Variants in CACNA1A observed in about 807,000 individuals in gnomAD.
CACNA1A encodes the protein calcium voltage-gated channel subunit alpha1 A, also known as voltage-dependent P/Q-type calcium channel subunit alpha-1A.
Under a neutral mutation model 262.4 loss-of-function variants are expected in CACNA1A, and 57 were observed. The observed-to-expected ratio is 0.22, with a 90% confidence interval of 0.18 to 0.27. The LOEUF (loss-of-function observed/expected upper bound fraction) is 0.27. Among genes scored for constraint, CACNA1A ranks in the 10% least tolerant of loss-of-function variants. The pLI is 1.00. For missense variants in CACNA1A, 2,526 were observed against 3,562.8 expected (o/e 0.71, Z 7.41); for synonymous variants, 1,431 against 1,419.3 (o/e 1.01, Z -0.18).
intron 22 of CACNA1A, 116 bp downstream of exon 22, chr19:13,283,151 C>CTA (rs1360236380): frequency 6.4e-5 from 80 of 1,257,268 alleles, no homozygotes; most frequent in Non-Finnish European, 8.5e-5. Flanking sequence ...GCCATAAGGG[C>CTA]TATGCCTAGG....
At chr19:13,371,193 T>C (rs1208731596) in intron 4 of CACNA1A, 2 of 152,752 alleles carry the variant, frequency 1.3e-5, no homozygotes, top group Non-Finnish European at 2.9e-5. Context: ...AGGTAATTCA[T>C]GTAAAGTCCT....
chr19:13,422,367 G>T (rs2144788674), intron 3 of CACNA1A, among the ~76,000 whole-genome samples: 1 of 152,226 alleles, frequency 6.6e-6, no homozygotes, highest in African/African-American at 2.4e-5. Flanking sequence ...TAACACAGGT[G>T]ATATGGGTCA....
At chr19:13,465,372 C>G (rs1191366201) in intron 1 of CACNA1A, among the ~76,000 whole-genome samples, 1 of 152,144 alleles carries the variant, frequency 6.6e-6, no homozygotes, top group Non-Finnish European at 1.5e-5. Context: ...ATATTATACT[C>G]AAAATAAATG....
intron 3 of CACNA1A, among the ~76,000 whole-genome samples, chr19:13,419,852 G>A (rs1171512065): frequency 2.6e-5 from 4 of 152,026 alleles, no homozygotes; most frequent in Admixed American, 1.3e-4. Context: ...TTGGGAGGCC[G>A]AGGTGGGTGG....
At chr19:13,435,447 T>C (rs2060593188) in intron 3 of CACNA1A, among the ~76,000 whole-genome samples, 1 of 151,932 alleles carries the variant, frequency 6.6e-6, no homozygotes, top group South Asian at 2.1e-4. Flanking sequence ...AACGGGCTAA[T>C]ACAGGCCCCA....
At chr19:13,477,480 T>G (rs1251216988) in intron 1 of CACNA1A, among the ~76,000 whole-genome samples, 1 of 152,228 alleles carries the variant, frequency 6.6e-6, no homozygotes, top group African/African-American at 2.4e-5. Flanking sequence ...CACAGCCCCA[T>G]GAGGCAAGGA....
rs1277751763 is a variant in CACNA1A at position 13,259,663 on chromosome 19, G to A, written c.4289C>T (p.Ala1430Val). 2.5e-6 allele frequency: 4 copies of A among 1,610,812 alleles called. No homozygotes were observed. Among genetic ancestry groups the A allele is most frequent in the East Asian group, 4.5e-5 (2 of 44,866 alleles). The change falls in exon 27 of 47, where the codon GCG becomes GTG. Residue 1430 changes from alanine (A) to valine (V), a missense_variant. Physicochemically the swap from Ala to Val is moderately conservative, Grantham distance 64. This residue lies in a region of CACNA1A where 137 missense variants were observed against 377.7 expected (regional missense o/e 0.36). Coordinates refer to ENST00000360228, the MANE Select transcript of CACNA1A (RefSeq NM_001127222.2). ...YLLYEKNEVK[A>V]RDREWKKYEF... ...ATACTTCTTCCACTCCCGGTCTCGC[G>A]CCTTCACCTCATTCTTCTCGTAGAG...
At chr19:13,397,381 G>A (rs1246904157) in intron 3 of CACNA1A, among the ~76,000 whole-genome samples, 1 of 152,200 alleles carries the variant, frequency 6.6e-6, no homozygotes, top group Non-Finnish European at 1.5e-5. Context: ...CAGAGGAGGT[G>A]GGTGGAAGAA....
intron 4 of CACNA1A, chr19:13,371,420 T>C: frequency 2.3e-6 from 1 of 426,760 alleles, no homozygotes. Flanking sequence ...CTGTGAGTAC[T>C]GAATGAGATC....
At chr19:13,379,722 G>A (rs948693383) in intron 3 of CACNA1A, among the ~76,000 whole-genome samples, 14 of 150,996 alleles carry the variant, frequency 9.3e-5, no homozygotes, top group African/African-American at 2.9e-4. Context: ...TCAGGAGTTC[G>A]AGACCAGCCT....
intron 22 of CACNA1A, chr19:13,278,073 GAC>G (rs898062853): frequency 1.4e-5 from 2 of 139,628 alleles, no homozygotes; most frequent in African/African-American, 5.5e-5. Flanking sequence ...GGGAGACAGA[GAC>G]TGTCTAAAAA....
At position 13,212,716 on chromosome 19, in the gene CACNA1A, G is replaced by A. The variant is rs903596182; in HGVS notation, c.5965C>T (p.Arg1989Cys). 2 of 1,506,822 alleles carry A rather than the reference G, an allele frequency of 1.3e-6. No individual in the cohort carries two copies. The highest frequency in any genetic ancestry group is 8.9e-7 in the Non-Finnish European group (1 of 1,128,580). The allele number at this position is 1,506,822 out of a possible 1,614,324, so 93.3% of individuals were successfully genotyped here. A position where few individuals can be genotyped will look rare whatever the true frequency, so the allele number is the denominator to read the frequency against. ...TGCGTTGGGGACGGGGGCTCCATGCGCTGGAACATGAGGGGTGTCCGGTCC... is the reference window on the plus strand; with the variant it reads ...TGCGTTGGGGACGGGGGCTCCATGCACTGGAACATGAGGGGTGTCCGGTCC... The part of the protein sequence containing the change: ...EQDRTPLMFQ[R>C]MEPPSPTQEG... The change falls in exon 41 of 47, where the codon CGC becomes TGC. Residue 1989 changes from arginine (R) to cysteine (C), a missense_variant. By Grantham distance (180) the Arg-to-Cys change is radical. Around this residue, in one of 17 missense-constraint regions of CACNA1A, gnomAD observed 929 missense variants for 868.1 expected, o/e 1.07. Coordinates refer to ENST00000360228, the MANE Select transcript of CACNA1A (RefSeq NM_001127222.2). The surrounding 1 kb of genome is among the most constrained non-coding windows in gnomAD (Gnocchi z 5.6).
At chr19:13,478,129 C>T (rs560548470) in intron 1 of CACNA1A, among the ~76,000 whole-genome samples, 6 of 152,190 alleles carry the variant, frequency 3.9e-5, no homozygotes, top group South Asian at 4.2e-4. Context: ...TTGGTTCTTC[C>T]GTATTTTCAC....
At chr19:13,266,967 T>C (rs1261899032) in intron 24 of CACNA1A, among the ~76,000 whole-genome samples, 3 of 152,148 alleles carry the variant, frequency 2.0e-5, no homozygotes, top group African/African-American at 4.8e-5. Context: ...TGGTGGGGCA[T>C]GGGCGGAGGC....
At chr19:13,345,895 CTTTTTTTTTTTTT>C (rs55982966) in intron 6 of CACNA1A, among the ~76,000 whole-genome samples, 1 of 100,532 alleles carries the variant, frequency 9.9e-6, no homozygotes, top group Non-Finnish European at 2.0e-5. Context: ...TTCACGAAGT[CTTTTTTTTTTTTT>C]TTTTTTTTTT....
intron 1 of CACNA1A, among the ~76,000 whole-genome samples, chr19:13,495,546 T>G (rs1981399653): frequency 1.3e-5 from 2 of 152,208 alleles, no homozygotes; most frequent in African/African-American, 4.8e-5. Flanking sequence ...TCTGCCTGCC[T>G]CGGCCTCCCA....
At position 13,218,311 on chromosome 19, in the gene CACNA1A, C is replaced by T. The variant is rs984674668; in HGVS notation, c.5732-3703G>A. ...GATTTATCGTTGGGGTCTTGGGCCACGTGGTATCAGTTTGACCTCTGGAGG... is the reference window on the plus strand; with the variant it reads ...GATTTATCGTTGGGGTCTTGGGCCATGTGGTATCAGTTTGACCTCTGGAGG... On this transcript the variant is annotated intron_variant, in intron 38 of 46. Transcript: ENST00000360228. 7.9e-5 allele frequency among the ~76,000 whole-genome samples: 12 copies of T among 152,202 alleles called. No individual in the cohort carries two copies. In the South Asian group the frequency reaches 8.3e-4, roughly 11 times the overall value.
chr19:13,240,373 CTG>C (rs201553312), intron 31 of CACNA1A, among the ~76,000 whole-genome samples: 4 of 150,884 alleles, frequency 2.7e-5, no homozygotes, highest in Admixed American at 2.6e-4. Flanking sequence ...TGTGCAGTGA[CTG>C]TGTGTGCAGT....
At chr19:13,222,684 C>T (rs931451409) in intron 38 of CACNA1A, among the ~76,000 whole-genome samples, 5 of 149,168 alleles carry the variant, frequency 3.4e-5, no homozygotes, top group African/African-American at 1.2e-4. Context: ...CGTGAGCCAG[C>T]GTGCCCGGCC....
Sources: allele counts gnomAD v4.1 joint callset (sites outside exome capture counted in the v4.1 genomes callset), GRCh38; gene constraint gnomAD v4.1.1; regional missense constraint gnomAD v4.1.1; non-coding constraint Gnocchi (gnomAD v3.1); transcripts MANE v1.5; gene names NCBI Gene and HGNC (gene_info 2026-07-23, HGNC 2026-07-21).